TGFA: variants seen among roughly 807,000 people sequenced by gnomAD.
The protein encoded by TGFA is transforming growth factor alpha, also known as protransforming growth factor alpha.
TGFA carries 12 observed loss-of-function variants against 21.7 expected under a neutral mutation model. The observed-to-expected ratio is 0.55, with a 90% confidence interval of 0.35 to 0.90. TGFA has a LOEUF of 0.90. TGFA is among the 40% of genes least tolerant of loss of function. TGFA has a pLI of 0.01. For synonymous variants in TGFA, 79 were observed against 88.1 expected, an observed-to-expected ratio of 0.90 and a Z score of 0.58; for missense variants, 178 against 210.8, an observed-to-expected ratio of 0.84 and a Z score of 0.96.
intron 2 of TGFA, among the ~76,000 whole-genome samples, chr2:70,504,447 T>TATATACATAC (rs1559123913): frequency 3.7e-5 from 3 of 82,096 alleles, no homozygotes; most frequent in Non-Finnish European, 7.8e-5. Context: ...TATATATATA[T>TATATACATAC]ATATATATAT....
chr2:70,475,517 G>T (rs1448003804), intron 2 of TGFA, among the ~76,000 whole-genome samples: 3 of 152,056 alleles, frequency 2.0e-5, no homozygotes, highest in African/African-American at 7.2e-5. Context: ...CAGAGGGCAT[G>T]GTGCGTGTGT....
intron 2 of TGFA, among the ~76,000 whole-genome samples, chr2:70,492,331 G>T (rs563459631): frequency 6.6e-6 from 1 of 152,306 alleles, no homozygotes; most frequent in African/African-American, 2.4e-5. Flanking sequence ...GGACTCTAGA[G>T]CAGGAATTAA....
At chr2:70,472,320 A>G (rs1670776871) in intron 2 of TGFA, among the ~76,000 whole-genome samples, 1 of 152,184 alleles carries the variant, frequency 6.6e-6, no homozygotes, top group Admixed American at 6.5e-5. Flanking sequence ...AGGTTTTGGA[A>G]CAGACCTCAT....
chr2:70,487,081 A>C (rs544794191), intron 2 of TGFA, among the ~76,000 whole-genome samples: 45 of 152,332 alleles, frequency 3.0e-4, no homozygotes, highest in African/African-American at 1.1e-3. Context: ...GTTTTTAATC[A>C]CTTTTGAAAT....
intron 1 of TGFA, among the ~76,000 whole-genome samples, chr2:70,551,788 A>T (rs1224903933): frequency 6.6e-6 from 1 of 152,096 alleles, no homozygotes; most frequent in African/African-American, 2.4e-5. Flanking sequence ...AATCTTTTAA[A>T]GTTTATACAT....
intron 2 of TGFA, among the ~76,000 whole-genome samples, chr2:70,481,454 C>T (rs1164058186): frequency 6.6e-6 from 1 of 152,214 alleles, no homozygotes; most frequent in Non-Finnish European, 1.5e-5. Context: ...GGAAGCCACA[C>T]AGAATAAGTC....
At chr2:70,479,654 A>C (rs1671051862) in intron 2 of TGFA, among the ~76,000 whole-genome samples, 1 of 147,744 alleles carries the variant, frequency 6.8e-6, no homozygotes, top group Non-Finnish European at 1.5e-5. Context: ...TTTTCTCATT[A>C]TTTTTGTTTT....
At chr2:70,537,668 T>G (rs1159996729) in intron 1 of TGFA, among the ~76,000 whole-genome samples, 1 of 152,194 alleles carries the variant, frequency 6.6e-6, no homozygotes, top group Non-Finnish European at 1.5e-5. Context: ...CCTAGTTCTT[T>G]GATTCTGAGA....
At chr2:70,510,143 C>G (rs1360238468) in intron 2 of TGFA, among the ~76,000 whole-genome samples, 1 of 152,236 alleles carries the variant, frequency 6.6e-6, no homozygotes, top group Non-Finnish European at 1.5e-5. Context: ...ATCATTGTGA[C>G]ACATTCCCCC....
intron 2 of TGFA, among the ~76,000 whole-genome samples, chr2:70,513,508 C>T (rs1315133029): frequency 6.6e-6 from 1 of 152,172 alleles, no homozygotes; most frequent in Non-Finnish European, 1.5e-5. Context: ...CACTTCCAGC[C>T]CCAACAAAGC....
In TGFA at chr2:70,531,112, A is replaced by G. The variant is rs12468651; in HGVS notation, c.41-16200T>C. Among the ~76,000 whole-genome samples the G allele has an allele frequency of 8.4e-3, 1,283 of 152,320 alleles. 12 individuals are homozygous for G. Among genetic ancestry groups the G allele is most frequent in the Non-Finnish European group, 0.012 (785 of 68,016 alleles). ...GGGAAAGGAGTCCTCCCCTCTAAGA[A>G]AAGGTAGAAGGCAGTGTTCCTTCTG... is the stretch of plus-strand genomic sequence containing the variant. On this transcript the variant is annotated intron_variant, in intron 1 of 5. Transcript: ENST00000295400.
At chr2:70,455,144 G>A (rs1268640451) in intron 4 of TGFA, among the ~76,000 whole-genome samples, 3 of 152,202 alleles carry the variant, frequency 2.0e-5, no homozygotes, top group African/African-American at 7.2e-5. Flanking sequence ...GAAGCAGAAT[G>A]GATACTGCTT....
At position 70,448,587 on chromosome 2, in the gene TGFA, C is replaced by T. The variant is rs1669955791; in HGVS notation, c.*2272G>A. The stretch of plus-strand genomic sequence containing the variant: ...AATGGCAGAGGGATCCAATGCTTAT[C>T]AGTCATTTGATTTCTAGAAGAAAAA... On this transcript the variant is annotated 3_prime_UTR_variant, in exon 6 of 6. Transcript: ENST00000295400. The T allele has an allele frequency of 6.6e-6, 1 of 152,212 alleles. No individual in the cohort carries two copies. The highest frequency in any genetic ancestry group is 1.5e-5 in the Non-Finnish European group (1 of 68,048). The allele number at this position is 152,212 out of a possible 1,614,324, so 9.4% of individuals were successfully genotyped here.
At chr2:70,525,872 T>C (rs537212579) in intron 1 of TGFA, among the ~76,000 whole-genome samples, 5 of 152,304 alleles carry the variant, frequency 3.3e-5, no homozygotes, top group African/African-American at 1.2e-4. Context: ...TGGTACTTAA[T>C]GGTGGGGCCG....
chr2:70,462,836 G>GC (rs1183993891), intron 3 of TGFA, among the ~76,000 whole-genome samples: 4 of 152,158 alleles, frequency 2.6e-5, no homozygotes, highest in Non-Finnish European at 5.9e-5. Flanking sequence ...AAGATGGTCA[G>GC]CTTTTCCAAA....
chr2:70,545,433 A>G (rs1553505736), intron 1 of TGFA, among the ~76,000 whole-genome samples: 1 of 152,194 alleles, frequency 6.6e-6, no homozygotes, highest in African/African-American at 2.4e-5. Flanking sequence ...TTTACAAAGA[A>G]CCGGTTTTAG....
intron 1 of TGFA, among the ~76,000 whole-genome samples, chr2:70,538,825 G>A (rs974196827): frequency 2.0e-5 from 3 of 152,212 alleles, no homozygotes; most frequent in African/African-American, 7.2e-5. Context: ...TAGGGTTTGA[G>A]AGGACTGACT....
At chr2:70,479,189 GC>G (rs1553494979) in intron 2 of TGFA, among the ~76,000 whole-genome samples, 2 of 152,154 alleles carry the variant, frequency 1.3e-5, no homozygotes, top group African/African-American at 4.8e-5. Context: ...TCTTGATATA[GC>G]TGTTATCTAG....
chr2:70,533,289 C>T (rs377672890), intron 1 of TGFA, among the ~76,000 whole-genome samples: 2 of 152,168 alleles, frequency 1.3e-5, no homozygotes, highest in Admixed American at 6.5e-5. Context: ...CCCAAAGGGA[C>T]TGCTCTGTTA....
Sources: gnomAD v4.1 joint callset for allele counts (sites outside exome capture counted in the v4.1 genomes callset) on GRCh38, gnomAD v4.1.1 for gene constraint, MANE v1.5 for transcripts, NCBI Gene and HGNC (gene_info 2026-07-23, HGNC 2026-07-21) for gene names.